Variants in TPH2 observed in about 807,000 individuals in gnomAD.
The protein encoded by TPH2 is tryptophan 5-hydroxylase 2.
Under a neutral mutation model 59.1 loss-of-function variants are expected in TPH2, and 27 were observed. That is an observed-to-expected ratio of 0.46 (90% confidence interval 0.34 to 0.63). The LOEUF (loss-of-function observed/expected upper bound fraction) is 0.63, where lower values mean the gene tolerates loss of function less well. Among genes scored for constraint, TPH2 ranks in the 30% least tolerant of loss-of-function variants. TPH2 has a pLI of 0.01. For synonymous variants in TPH2, 220 were observed against 210.5 expected, an observed-to-expected ratio of 1.05 and a Z score of -0.39; for missense variants, 523 against 588.3, an observed-to-expected ratio of 0.89 and a Z score of 1.15.
intron 8 of TPH2, among the ~76,000 whole-genome samples, chr12:72,017,197 C>T (rs1204328797): frequency 6.6e-6 from 1 of 152,124 alleles, no homozygotes; most frequent in African/African-American, 2.4e-5. Context: ...TTTGCCACTG[C>T]CCATTTGGCT....
At chr12:71,964,613 G>A (rs1412602177) in intron 5 of TPH2, 2 of 985,192 alleles carry the variant, frequency 2.0e-6, no homozygotes, top group East Asian at 2.3e-4. Context: ...ACTATTTCAT[G>A]AAGGTGGTAC....
At chr12:72,030,623 A>G (rs1289307044) in intron 9 of TPH2, among the ~76,000 whole-genome samples, 1 of 152,098 alleles carries the variant, frequency 6.6e-6, no homozygotes, top group Non-Finnish European at 1.5e-5. Flanking sequence ...CTGACTATTA[A>G]TATTAGCTCC....
At chr12:71,994,784 G>A (rs1043858465) in intron 8 of TPH2, among the ~76,000 whole-genome samples, 1 of 152,176 alleles carries the variant, frequency 6.6e-6, no homozygotes, top group African/African-American at 2.4e-5. Flanking sequence ...GGGTCAGCTA[G>A]AGATAAAGGG....
In TPH2 at chr12:71,964,144, A is replaced by T. The variant is rs996753693; in HGVS notation, c.609-8375A>T. Among the ~76,000 whole-genome samples the T allele has an allele frequency of 3.9e-5, 2 of 51,154 alleles. 1 individual carries two copies. Among genetic ancestry groups the T allele is most frequent in the Admixed American group, 4.1e-4 (2 of 4,860 alleles). The allele number at this position is 51,154 out of a possible 152,430, so 33.6% of individuals were successfully genotyped here. ...AATGGAAGATAATGGAATGGGATTT[A>T]AAAAAATGTATATATATATGCACAT... On this transcript the variant is annotated intron_variant, in intron 5 of 10. Coordinates refer to ENST00000333850, the MANE Select transcript of TPH2 (RefSeq NM_173353.4).
intron 7 of TPH2, among the ~76,000 whole-genome samples, chr12:71,993,165 G>A (rs1371116735): frequency 6.6e-6 from 1 of 152,156 alleles, no homozygotes; most frequent in Non-Finnish European, 1.5e-5. Flanking sequence ...AAGATTTTTT[G>A]ATTGAGTGAT....
chr12:71,995,422 T>C (rs4760755), intron 8 of TPH2, among the ~76,000 whole-genome samples: 78,024 of 151,966 alleles, frequency 0.51, 20,707 homozygotes, highest in Middle Eastern at 0.59. Flanking sequence ...ATTGTATGTA[T>C]TCAGCACAGG....
At chr12:72,002,369 G>A (rs925499643) in intron 8 of TPH2, among the ~76,000 whole-genome samples, 1 of 152,120 alleles carries the variant, frequency 6.6e-6, no homozygotes, top group Non-Finnish European at 1.5e-5. Context: ...GGAAGAGAAA[G>A]AGACAGCAAG....
intron 7 of TPH2, 110 bp downstream of exon 7, chr12:71,979,197 T>A: frequency 6.9e-7 from 1 of 1,452,254 alleles, no homozygotes; most frequent in Non-Finnish European, 9.6e-7. Flanking sequence ...TTCCTTGAGC[T>A]AGTGAGAGTC....
chr12:72,009,346 A>G (rs927729069), intron 8 of TPH2, among the ~76,000 whole-genome samples: 3 of 152,224 alleles, frequency 2.0e-5, no homozygotes, highest in Non-Finnish European at 4.4e-5. Context: ...ATAACTTACC[A>G]TGAGACACTA....
chr12:71,955,151 C>A (rs1871458191), intron 5 of TPH2, among the ~76,000 whole-genome samples: 1 of 152,138 alleles, frequency 6.6e-6, no homozygotes, highest in Non-Finnish European at 1.5e-5. Context: ...GAATTTCCAA[C>A]TCTAATTTAG....
At chr12:71,946,058 C>T (rs554020219) in intron 4 of TPH2, among the ~76,000 whole-genome samples, 8 of 152,248 alleles carry the variant, frequency 5.3e-5, no homozygotes, top group Middle Eastern at 3.4e-3. Context: ...AAGCAGTACC[C>T]GGGCTGCACA....
At chr12:72,024,490 G>A (rs11179063) in intron 9 of TPH2, among the ~76,000 whole-genome samples, 1 of 152,192 alleles carries the variant, frequency 6.6e-6, no homozygotes, top group Admixed American at 6.5e-5. Context: ...GTTAATCTTA[G>A]TGCAGTGGGC....
rs1871999474 is a variant in TPH2 at position 71,972,467 on chromosome 12, T to C, written c.609-52T>C. On this transcript the variant is annotated intron_variant, in intron 5 of 10. Transcript: ENST00000333850. ...GATAGGTATTGAGGTGAGAAAATAC[T>C]TAACTCAGTGATTCAAAGTTAGATT... 10 of 1,579,100 alleles carry C rather than the reference T, an allele frequency of 6.3e-6. No individual in the cohort carries two copies. In the Admixed American group the frequency reaches 1.5e-4, roughly 24 times the overall value.
At chr12:71,992,069 C>G (rs1207785277) in intron 7 of TPH2, among the ~76,000 whole-genome samples, 1 of 152,176 alleles carries the variant, frequency 6.6e-6, no homozygotes, top group Non-Finnish European at 1.5e-5. Flanking sequence ...AAATGCTCCT[C>G]AAGTGATTTG....
chr12:72,019,095 C>G (rs993051501), intron 8 of TPH2, among the ~76,000 whole-genome samples: 1 of 152,158 alleles, frequency 6.6e-6, no homozygotes, highest in African/African-American at 2.4e-5. Context: ...AGAGGATATA[C>G]TTGGAGGCTG....
chr12:72,026,789 C>T (rs889612697), intron 9 of TPH2, among the ~76,000 whole-genome samples: 4 of 152,056 alleles, frequency 2.6e-5, no homozygotes, highest in Non-Finnish European at 5.9e-5. Context: ...GAAGCCTAAT[C>T]GCTAATTTAA....
intron 7 of TPH2, among the ~76,000 whole-genome samples, chr12:71,980,758 C>T (rs1394584916): frequency 6.6e-6 from 1 of 151,840 alleles, no homozygotes; most frequent in Non-Finnish European, 1.5e-5. Context: ...GACAGCGTGC[C>T]AATAGGTATG....
intron 7 of TPH2, among the ~76,000 whole-genome samples, chr12:71,981,468 T>C (rs1201151816): frequency 3.3e-5 from 5 of 151,972 alleles, no homozygotes; most frequent in Non-Finnish European, 5.9e-5. Flanking sequence ...GCTAGGGAGC[T>C]CACATTCTAT....
intron 6 of TPH2, among the ~76,000 whole-genome samples, chr12:71,975,257 A>T (rs531493599): frequency 2.6e-4 from 40 of 152,242 alleles, no homozygotes; most frequent in African/African-American, 9.6e-4. Context: ...AGGCATGAGA[A>T]TCACTTGAAC....
Sources: gnomAD v4.1 joint callset for allele counts (sites outside exome capture counted in the v4.1 genomes callset) on GRCh38, gnomAD v4.1.1 for gene constraint, MANE v1.5 for transcripts, NCBI Gene and HGNC (gene_info 2026-07-23, HGNC 2026-07-21) for gene names.